The following CRISP1 variants were observed in gnomAD, a reference collection of about 807,000 sequenced individuals.
The protein encoded by CRISP1 is cysteine rich secretory protein 1.
CRISP1 carries 44 observed loss-of-function variants against 33.1 expected under a neutral mutation model. The ratio of observed to expected loss-of-function variants is 1.33; its 90% CI spans 1.05 to 1.71. The LOEUF (loss-of-function observed/expected upper bound fraction) is 1.71. Among genes scored for constraint, CRISP1 ranks in the 40% most tolerant of loss-of-function variants. CRISP1 has a pLI of 0.00. For missense variants in CRISP1, 390 were observed against 301.2 expected (o/e 1.29, Z -2.18); for synonymous variants, 103 against 98.7 (o/e 1.04, Z -0.26).
intron 5 of CRISP1, among the ~76,000 whole-genome samples, chr6:49,843,616 G>C (rs1207126934): frequency 6.6e-6 from 1 of 152,166 alleles, no homozygotes; most frequent in East Asian, 1.9e-4. Context: ...TCAGGAATGT[G>C]ATATTTTGTT....
chr6:49,863,219 G>C (rs2127477618), intron 1 of CRISP1, among the ~76,000 whole-genome samples: 1 of 152,286 alleles, frequency 6.6e-6, no homozygotes, highest in East Asian at 1.9e-4. Context: ...TGGGCCCAGG[G>C]TAAAAGACCC....
At chr6:49,838,549 A>G (rs1561938147) in intron 6 of CRISP1, 24 bp from the exon 7 acceptor site, 1 of 1,566,132 alleles carries the variant, frequency 6.4e-7, no homozygotes, top group Non-Finnish European at 8.7e-7. Flanking sequence ...AAGTGATTTC[A>G]TAAAACCCAT....
intron 1 of CRISP1, among the ~76,000 whole-genome samples, chr6:49,862,793 AC>A (rs1303380744): frequency 6.6e-6 from 1 of 150,574 alleles, no homozygotes; most frequent in Non-Finnish European, 1.5e-5. Flanking sequence ...TCAAAGTTAC[AC>A]CTTCTCAGAG....
intron 1 of CRISP1, 147 bp from the exon 2 acceptor site, chr6:49,857,549 C>T: frequency 3.1e-6 from 2 of 644,986 alleles, no homozygotes; most frequent in Non-Finnish European, 2.7e-6. Context: ...ATGTGTTAGT[C>T]ATTGGGATCC....
At chr6:49,872,105 G>A (rs1389569149) in intron 1 of CRISP1, among the ~76,000 whole-genome samples, 1 of 152,190 alleles carries the variant, frequency 6.6e-6, no homozygotes, top group Admixed American at 6.5e-5. Context: ...ACTGGTGTGA[G>A]ATGATATCTC....
chr6:49,843,766 A>T (rs1771069494), intron 5 of CRISP1, among the ~76,000 whole-genome samples: 1 of 152,200 alleles, frequency 6.6e-6, no homozygotes, highest in Non-Finnish European at 1.5e-5. Context: ...TGCTATAAAA[A>T]GTGTAGATTG....
chr6:49,874,040 C>T (rs1250804963), intron 1 of CRISP1, among the ~76,000 whole-genome samples: 1 of 151,908 alleles, frequency 6.6e-6, no homozygotes, highest in African/African-American at 2.4e-5. Flanking sequence ...ATATGCTCTC[C>T]CAGTATTCTT....
chr6:49,856,177 C>A (rs1771492493), intron 2 of CRISP1, among the ~76,000 whole-genome samples: 1 of 152,068 alleles, frequency 6.6e-6, no homozygotes, highest in Non-Finnish European at 1.5e-5. Context: ...ACTAGTGATA[C>A]TAATTTCTTC....
At chr6:49,872,707 T>C (rs1417981861) in intron 1 of CRISP1, among the ~76,000 whole-genome samples, 3 of 152,142 alleles carry the variant, frequency 2.0e-5, no homozygotes, top group African/African-American at 7.2e-5. Context: ...GATCAGATAG[T>C]TGTAGATATG....
In CRISP1 at chr6:49,835,192, G is replaced by A; in HGVS notation, c.*124C>T. 1 of 1,021,524 alleles carries A rather than the reference G, an allele frequency of 9.8e-7. No individual in the cohort carries two copies. Among genetic ancestry groups the A allele is most frequent in the Non-Finnish European group, 1.4e-6 (1 of 707,950 alleles). 63.3% of individuals were successfully genotyped at this position (1,021,524 alleles called of 1,614,324 possible). On this transcript the variant is annotated 3_prime_UTR_variant, in exon 8 of 8. Coordinates refer to ENST00000335847, the MANE Select transcript of CRISP1 (RefSeq NM_001131.3). Reference sequence around the variant, plus strand: ...AGGATGTATCAGGATGGGAGTTAAGGTCTCCAGCATGATTAAAATCAGTGA... The same window carrying A: ...AGGATGTATCAGGATGGGAGTTAAGATCTCCAGCATGATTAAAATCAGTGA...
intron 7 of CRISP1, among the ~76,000 whole-genome samples, chr6:49,836,129 A>G (rs941105966): frequency 6.6e-6 from 1 of 152,186 alleles, no homozygotes; most frequent in African/African-American, 2.4e-5. Flanking sequence ...TAACCAATGT[A>G]TCTATTTGTC....
Position 49,852,003 on chromosome 6 carries a change from T to A in CRISP1, c.193A>T (p.Met65Leu). ...VVPPASNMLK[M>L]SWSEEAAQNA... is the part of the protein sequence containing the mutation. ...TTGTTGCTATTTTTTGATCTTACCA[T>A]CTTCAGCATGTTGCTGGCTGGTGGA... The change falls in exon 3 of 8, where the codon ATG becomes TTG. Residue 65 changes from methionine to leucine, a missense_variant and splice_region_variant. By Grantham distance (15) the Met-to-Leu change is conservative (BLOSUM62 2). Coordinates refer to ENST00000335847, the MANE Select transcript of CRISP1 (RefSeq NM_001131.3). 1 of 1,606,492 alleles carries A rather than the reference T, an allele frequency of 6.2e-7. No homozygotes were observed.
upstream of CRISP1, among the ~76,000 whole-genome samples, chr6:49,869,883 A>G (rs1452073832): frequency 6.6e-6 from 1 of 152,138 alleles, no homozygotes; most frequent in African/African-American, 2.4e-5. Context: ...TAAGGGGACT[A>G]ATCCCAGGGG....
intron 2 of CRISP1, among the ~76,000 whole-genome samples, chr6:49,856,171 G>A (rs1771492188): frequency 1.3e-5 from 2 of 152,096 alleles, no homozygotes; most frequent in South Asian, 4.1e-4. Flanking sequence ...CTTTTAACTA[G>A]TGATACTAAT....
chr6:49,866,822 T>C (rs1367345880), upstream of CRISP1, among the ~76,000 whole-genome samples: 1 of 152,128 alleles, frequency 6.6e-6, no homozygotes, highest in Non-Finnish European at 1.5e-5. Flanking sequence ...GTCCAGAAAC[T>C]TCTCAACTTT....
chr6:49,851,725 A>G (rs572149641), intron 3 of CRISP1, among the ~76,000 whole-genome samples: 1 of 152,258 alleles, frequency 6.6e-6, no homozygotes, highest in African/African-American at 2.4e-5. Flanking sequence ...TGCTTTACTA[A>G]GTTCTTCAGG....
chr6:49,853,944 C>A (rs1771423828), intron 2 of CRISP1, among the ~76,000 whole-genome samples: 1 of 152,142 alleles, frequency 6.6e-6, no homozygotes, highest in Admixed American at 6.6e-5. Context: ...TAAGATTGAC[C>A]TCAAATAGTT....
chr6:49,869,662 A>G (rs1342393855), upstream of CRISP1, among the ~76,000 whole-genome samples: 1 of 152,206 alleles, frequency 6.6e-6, no homozygotes, highest in Non-Finnish European at 1.5e-5. Context: ...AGCTGGAAGT[A>G]TGAAAACAGT....
upstream of CRISP1, among the ~76,000 whole-genome samples, chr6:49,868,482 T>C (rs1333274951): frequency 3.3e-5 from 5 of 152,166 alleles, no homozygotes; most frequent in Admixed American, 3.3e-4. Flanking sequence ...AATATATCCA[T>C]TTTTAAAAGA....
Sources: gnomAD v4.1 joint callset for allele counts (sites outside exome capture counted in the v4.1 genomes callset) on GRCh38, gnomAD v4.1.1 for gene constraint, MANE v1.5 for transcripts, NCBI Gene and HGNC (gene_info 2026-07-23, HGNC 2026-07-21) for gene names.